TP53AIP1: variants seen among roughly 807,000 people sequenced by gnomAD.
TP53AIP1 encodes p53-regulated apoptosis-inducing protein 1.
A neutral mutation model predicts 9.5 loss-of-function variants in TP53AIP1; 14 were observed. The observed-to-expected ratio is 1.47, with a 90% CI of 0.97 to 2.30. The LOEUF (loss-of-function observed/expected upper bound fraction) is 2.30, where lower values mean the gene tolerates loss of function less well. TP53AIP1 is among the 30% of genes most tolerant of loss of function. The pLI is 0.00. For missense variants in TP53AIP1, 153 were observed against 146.7 expected (o/e 1.04, Z -0.22); for synonymous variants, 73 against 61.2 (o/e 1.19, Z -0.90).
chr11:128,937,892 G>A lies in TP53AIP1; in HGVS notation c.-74C>T, dbSNP rs1184817667. 8.8e-6 allele frequency: 13 copies of A among 1,474,388 alleles called. No individual in the cohort carries two copies. Among genetic ancestry groups the A allele is most frequent in the Middle Eastern group, 1.9e-4 (1 of 5,370 alleles). The allele number at this position is 1,474,388 out of a possible 1,614,324, so 91.3% of individuals were successfully genotyped here. On this transcript the variant is annotated splice_region_variant and 5_prime_UTR_variant, in exon 2 of 4. Coordinates refer to ENST00000531399, the MANE Select transcript of TP53AIP1 (RefSeq NM_022112.3). This position sits in a 1 kb window ranked among gnomAD's most constrained non-coding sequence, Gnocchi z 4.8. Reference sequence around the variant, plus strand: ...TTTGTTGTTAGGGCCAGTCCCTAAGGGACTAAAAACAAACAAAACAGGCTA... The same window carrying A: ...TTTGTTGTTAGGGCCAGTCCCTAAGAGACTAAAAACAAACAAAACAGGCTA...
In TP53AIP1 at chr11:128,937,235, C is replaced by G. The variant is rs142808223; in HGVS notation, c.141+443G>C. 1.4e-4 allele frequency: 179 copies of G among 1,256,536 alleles called. No individual in the cohort carries two copies. The African/African-American group carries it at 2.2e-3, about 15-fold the overall frequency. The allele number at this position is 1,256,536 out of a possible 1,614,324, so 77.8% of individuals were successfully genotyped here. A position where few individuals can be genotyped will look rare whatever the true frequency, so the allele number is the denominator to read the frequency against. ...AGTAAGTGACTGGTGCTCCGAGGCC[C>G]ATCTGGACAAAAGCAGGATCCGGGG... On this transcript the variant is annotated intron_variant, in intron 2 of 3. Transcript: ENST00000531399. This position sits in a 1 kb window ranked among gnomAD's most constrained non-coding sequence, Gnocchi z 4.8.
intron 1 of TP53AIP1, among the ~76,000 whole-genome samples, chr11:128,938,830 A>G (rs1299655142): frequency 1.3e-5 from 2 of 152,174 alleles, no homozygotes; most frequent in African/African-American, 4.8e-5. Flanking sequence ...CTGAGAAAAA[A>G]GAATACCCTG....
In TP53AIP1 at chr11:128,937,547, G is replaced by A. The variant is rs1158262134; in HGVS notation, c.141+131C>T. On this transcript the variant is annotated intron_variant, in intron 2 of 3. Coordinates refer to ENST00000531399, the MANE Select transcript of TP53AIP1 (RefSeq NM_022112.3). This position sits in a 1 kb window ranked among gnomAD's most constrained non-coding sequence, Gnocchi z 4.8. ...CTGGGGACAGTCCGCATGCAGCTCT[G>A]AGGACCCAGATGCTGTCACTGGGTC... 1.2e-6 allele frequency: 2 copies of A among 1,605,610 alleles called. No homozygotes were observed. The highest frequency in any genetic ancestry group is 2.7e-5 in the African/African-American group (2 of 74,870).
downstream of TP53AIP1, chr11:128,935,125 C>A: frequency 1.4e-6 from 1 of 718,940 alleles, no homozygotes; most frequent in Non-Finnish European, 2.5e-6. Context: ...CTGTCCACTG[C>A]AGCTGGGGGA....
intron 1 of TP53AIP1, among the ~76,000 whole-genome samples, chr11:128,940,780 C>T (rs141996284): frequency 6.6e-4 from 100 of 152,360 alleles, no homozygotes; most frequent in African/African-American, 2.1e-3. Context: ...ACGGCGGCCA[C>T]GCTGGGTGCC....
At chr11:128,936,443 C>T (rs1316880668) in intron 3 of TP53AIP1, 95 bp downstream of exon 3, 3 of 1,436,160 alleles carry the variant, frequency 2.1e-6, no homozygotes, top group East Asian at 2.5e-5. Flanking sequence ...ACTCAAAAAA[C>T]CCTATGTCGT....
At chr11:128,936,679 C>A (rs1437291299) in intron 2 of TP53AIP1, 30 bp from the exon 3 acceptor site, 3 of 1,549,610 alleles carry the variant, frequency 1.9e-6, no homozygotes, top group East Asian at 2.4e-5. Context: ...GACTGTGAGG[C>A]CCTGCAGCGC....
At position 128,937,783 on chromosome 11, in the gene TP53AIP1, A is replaced by G. The variant is rs1402102876; in HGVS notation, c.36T>C (p.Ala12=). The G allele has an allele frequency of 1.9e-6, 3 of 1,613,634 alleles. No individual in the cohort carries two copies. Among genetic ancestry groups the G allele is most frequent in the Non-Finnish European group, 2.5e-6 (3 of 1,179,890 alleles). Residue 12 remains alanine, a synonymous_variant, in exon 2 of 4, where the codon GCT becomes GCC. Transcript: ENST00000531399. This position sits in a 1 kb window ranked among gnomAD's most constrained non-coding sequence, Gnocchi z 4.8. ...GSSSEASFRS[A]QASCSGARRQ... is the part of the protein sequence containing the mutation. ...TCCTGGCCCCACTGCAGGAAGCTTGAGCAGATCTGAAGCTCGCCTCAGAGG... is the reference window on the plus strand; with the variant it reads ...TCCTGGCCCCACTGCAGGAAGCTTGGGCAGATCTGAAGCTCGCCTCAGAGG...
At chr11:128,938,800 C>T (rs368010398) in intron 1 of TP53AIP1, among the ~76,000 whole-genome samples, 8 of 152,198 alleles carry the variant, frequency 5.3e-5, no homozygotes, top group Admixed American at 1.3e-4. Flanking sequence ...AGGGAGACAG[C>T]GGCTCTCCAC....
At chr11:128,935,249 C>T (rs747958649), downstream of TP53AIP1, 176 of 1,418,134 alleles carry the variant, frequency 1.2e-4, 1 homozygote, top group Non-Finnish European at 1.5e-4. Context: ...TGCCCTCGGG[C>T]GTGCCATAGC....
At chr11:128,936,214 T>G in intron 3 of TP53AIP1, 1 of 1,086,524 alleles carries the variant, frequency 9.2e-7, no homozygotes, top group Non-Finnish European at 1.1e-6. Context: ...AAAGTTGGAA[T>G]GGAAGACTGC....
Position 128,937,552 on chromosome 11 carries a change from C to A in TP53AIP1, c.141+126G>T. On this transcript the variant is annotated intron_variant, in intron 2 of 3. Transcript: ENST00000531399. This position sits in a 1 kb window ranked among gnomAD's most constrained non-coding sequence, Gnocchi z 4.8. Reference sequence around the variant, plus strand: ...GACAGTCCGCATGCAGCTCTGAGGACCCAGATGCTGTCACTGGGTCCTGGT... The same window carrying A: ...GACAGTCCGCATGCAGCTCTGAGGAACCAGATGCTGTCACTGGGTCCTGGT... The A allele has an allele frequency of 1.2e-6, 2 of 1,613,898 alleles. No individual in the cohort carries two copies. Among genetic ancestry groups the A allele is most frequent in the Non-Finnish European group, 1.7e-6 (2 of 1,179,964 alleles).
intron 3 of TP53AIP1, chr11:128,936,093 A>G: frequency 2.4e-6 from 2 of 827,932 alleles, no homozygotes; most frequent in Non-Finnish European, 3.0e-6. Context: ...ACTGAGACTC[A>G]GGCAGGCCAG....
chr11:128,937,584 G>C lies in TP53AIP1; in HGVS notation c.141+94C>G. ...GCTGTCACTGGGTCCTGGTGAGTCT[G>C]AAAACTTGGGATGTCGGCACCACGG... On this transcript the variant is annotated intron_variant, in intron 2 of 3. Coordinates refer to ENST00000531399, the MANE Select transcript of TP53AIP1 (RefSeq NM_022112.3). The surrounding 1 kb of genome is among the most constrained non-coding windows in gnomAD (Gnocchi z 4.8). 1 of 1,614,132 alleles carries C rather than the reference G, an allele frequency of 6.2e-7. No homozygotes were observed. The highest frequency in any genetic ancestry group is 1.7e-5 in the Admixed American group (1 of 60,022).
intron 1 of TP53AIP1, 112 bp from the exon 2 acceptor site, chr11:128,938,006 G>A (rs1039407869): frequency 6.0e-6 from 4 of 670,608 alleles, no homozygotes; most frequent in Non-Finnish European, 7.4e-6. Flanking sequence ...GGAGGGGGAA[G>A]CCGATGCACC....
In TP53AIP1 at chr11:128,936,581, G is replaced by T. The variant is rs760609212; in HGVS notation, c.210C>A (p.Val70=). 5.7e-6 allele frequency: 9 copies of T among 1,587,400 alleles called. No individual in the cohort carries two copies. Among genetic ancestry groups the T allele is most frequent in the Non-Finnish European group, 7.7e-6 (9 of 1,174,804 alleles). ...GGCRGIEALS[V]SSGSWSSATV... ...TTGCTGAGGACCAAGATCCAGACGA[G>T]ACTGACAGAGCTTCTATTCCCCGGC... Residue 70 remains valine (V), a synonymous_variant, in exon 3 of 4, where the codon GTC becomes GTA. Transcript: ENST00000531399.
At chr11:128,940,104 A>T (rs1219775742) in intron 1 of TP53AIP1, among the ~76,000 whole-genome samples, 1 of 152,220 alleles carries the variant, frequency 6.6e-6, no homozygotes, top group African/African-American at 2.4e-5. Flanking sequence ...CTGGATGCCA[A>T]GCATGAGAGG....
intron 1 of TP53AIP1, among the ~76,000 whole-genome samples, chr11:128,940,986 G>A (rs1018185239): frequency 2.6e-5 from 4 of 152,224 alleles, no homozygotes; most frequent in African/African-American, 9.6e-5. Flanking sequence ...GTAGTCTGAA[G>A]GACTTGAGAC....
chr11:128,936,485 C>T, intron 3 of TP53AIP1, 53 bp downstream of exon 3: 2 of 1,499,128 alleles, frequency 1.3e-6, no homozygotes, highest in East Asian at 2.5e-5. Flanking sequence ...CATCAAATCA[C>T]TTAATTCTAT....
Sources: gnomAD v4.1 joint callset for allele counts (sites outside exome capture counted in the v4.1 genomes callset) on GRCh38, gnomAD v4.1.1 for gene constraint, Gnocchi (gnomAD v3.1) non-coding constraint, MANE v1.5 for transcripts, NCBI Gene and HGNC (gene_info 2026-07-23, HGNC 2026-07-21) for gene names.